Variants in TSHZ2 observed in about 807,000 individuals in gnomAD.
TSHZ2 encodes teashirt zinc finger homeobox 2.
In TSHZ2, 21 loss-of-function variants were observed where a neutral mutation model predicts 74.4. That is an observed-to-expected ratio of 0.28 (90% CI 0.20 to 0.41). The LOEUF is 0.41. Ranked by LOEUF, TSHZ2 falls within the 10% of genes least tolerant of loss-of-function variation. The probability of loss-of-function intolerance (pLI) is 1.00; values close to 1 mark genes in which losing one functional copy is unlikely to be tolerated. For missense variants in TSHZ2, 1,244 were observed against 1,293.5 expected, an observed-to-expected ratio of 0.96 and a Z score of 0.59; for synonymous variants, 540 against 515.3, an observed-to-expected ratio of 1.05 and a Z score of -0.65.
Position 53,489,075 on chromosome 20 carries a change from T to C in TSHZ2, c.*1940T>C, listed in dbSNP as rs1056675937. 11 of 456,082 alleles carry C rather than the reference T, an allele frequency of 2.4e-5. No individual in the cohort carries two copies. The highest frequency in any genetic ancestry group is 1.8e-4 in the African/African-American group (9 of 50,042). 28.3% of individuals were successfully genotyped at this position (456,082 alleles called of 1,614,324 possible). On this transcript the variant is annotated 3_prime_UTR_variant, in exon 3 of 3. Coordinates refer to ENST00000371497, the MANE Select transcript of TSHZ2 (RefSeq NM_173485.6). The stretch of plus-strand genomic sequence containing the variant: ...GAGATGGCAGTCGAAATAGCTTCAT[T>C]GAAGTGTCAGCACTCATCCATCAAT...
chr20:53,385,048 G>A (rs1483597859), intron 2 of TSHZ2, among the ~76,000 whole-genome samples: 3 of 152,176 alleles, frequency 2.0e-5, no homozygotes, highest in East Asian at 3.9e-4. Flanking sequence ...GTGAACCCGG[G>A]AGGCGGAGCT....
chr20:53,126,038 C>A (rs1986939429), intron 1 of TSHZ2, among the ~76,000 whole-genome samples: 1 of 152,150 alleles, frequency 6.6e-6, no homozygotes, highest in Non-Finnish European at 1.5e-5. Context: ...GTTTTAAATG[C>A]ACATTTATGA....
At chr20:53,195,516 T>G (rs1988842631) in intron 1 of TSHZ2, among the ~76,000 whole-genome samples, 1 of 152,198 alleles carries the variant, frequency 6.6e-6, no homozygotes, top group South Asian at 2.1e-4. Flanking sequence ...CTTGAGGGGC[T>G]CAGGACTTGG....
At chr20:53,204,786 G>C (rs2123590244) in intron 1 of TSHZ2, among the ~76,000 whole-genome samples, 1 of 152,146 alleles carries the variant, frequency 6.6e-6, no homozygotes, top group Non-Finnish European at 1.5e-5. Flanking sequence ...GTATTAGAAA[G>C]CTAAGTAACT....
chr20:53,208,046 A>T (rs1989215002), intron 1 of TSHZ2, among the ~76,000 whole-genome samples: 1 of 151,898 alleles, frequency 6.6e-6, no homozygotes, highest in Non-Finnish European at 1.5e-5. Context: ...CTGGAGAATC[A>T]AGTCAAAAAA....
chr20:53,049,752 G>C (rs1984356199), intron 1 of TSHZ2, among the ~76,000 whole-genome samples: 1 of 151,978 alleles, frequency 6.6e-6, no homozygotes, highest in African/African-American at 2.4e-5. Flanking sequence ...ACACAGCACA[G>C]TGCCCTAAGG....
intron 1 of TSHZ2, among the ~76,000 whole-genome samples, chr20:53,015,372 G>T (rs1982997792): frequency 6.6e-6 from 1 of 152,176 alleles, no homozygotes; most frequent in Admixed American, 6.5e-5. Context: ...TGTTATCACA[G>T]TTGGGGAGAA....
intron 1 of TSHZ2, among the ~76,000 whole-genome samples, chr20:53,001,032 G>A (rs188053424): frequency 1.8e-4 from 28 of 152,230 alleles, no homozygotes; most frequent in African/African-American, 6.7e-4. Flanking sequence ...GGAAGAGGGG[G>A]ACAGCCATCT....
chr20:53,297,406 C>T (rs1469241792), intron 2 of TSHZ2, among the ~76,000 whole-genome samples: 1 of 152,040 alleles, frequency 6.6e-6, no homozygotes, highest in Non-Finnish European at 1.5e-5. Context: ...TGCACCACCA[C>T]GCCCAGCTAA....
chr20:53,294,790 G>A (rs1264251541), intron 2 of TSHZ2, among the ~76,000 whole-genome samples: 1 of 152,130 alleles, frequency 6.6e-6, no homozygotes, highest in East Asian at 1.9e-4. Context: ...CTTTTTGTGA[G>A]GAATCTTTCA....
At chr20:53,211,426 G>A (rs1483040628) in intron 1 of TSHZ2, among the ~76,000 whole-genome samples, 2 of 151,950 alleles carry the variant, frequency 1.3e-5, no homozygotes, top group East Asian at 3.8e-4. Context: ...TTTAGAATCA[G>A]AGGGATAAAA....
intron 1 of TSHZ2, among the ~76,000 whole-genome samples, chr20:53,232,272 A>G (rs1406868473): frequency 1.3e-5 from 2 of 152,194 alleles, no homozygotes; most frequent in East Asian, 3.8e-4. Flanking sequence ...GGAATTCTCC[A>G]TCTACAGTCT....
chr20:53,391,847 G>A (rs1982271399), intron 2 of TSHZ2, among the ~76,000 whole-genome samples: 1 of 152,156 alleles, frequency 6.6e-6, no homozygotes, highest in Non-Finnish European at 1.5e-5. Flanking sequence ...GGATATTGAG[G>A]CACGAGAATT....
intron 1 of TSHZ2, among the ~76,000 whole-genome samples, chr20:53,026,857 G>T (rs1316811415): frequency 1.3e-5 from 2 of 151,950 alleles, no homozygotes; most frequent in African/African-American, 4.8e-5. Context: ...TCAATTTCAG[G>T]CTGGGCGTAG....
At chr20:53,042,462 A>G (rs374194345) in intron 1 of TSHZ2, among the ~76,000 whole-genome samples, 7 of 152,342 alleles carry the variant, frequency 4.6e-5, no homozygotes, top group Middle Eastern at 3.4e-3. Flanking sequence ...ATTATTATAT[A>G]TAATCTCAAT....
chr20:53,308,873 T>A (rs1383063256), intron 2 of TSHZ2, among the ~76,000 whole-genome samples: 1 of 152,230 alleles, frequency 6.6e-6, no homozygotes, highest in Non-Finnish European at 1.5e-5. Context: ...GTTAAGCACC[T>A]GGGAGGGCTT....
intron 1 of TSHZ2, among the ~76,000 whole-genome samples, chr20:53,005,621 T>C (rs1360177737): frequency 6.6e-6 from 1 of 152,198 alleles, no homozygotes; most frequent in East Asian, 1.9e-4. Context: ...ACTTGGATCA[T>C]TCTCGATCTG....
intron 1 of TSHZ2, among the ~76,000 whole-genome samples, chr20:53,214,002 A>G (rs1016320272): frequency 1.3e-5 from 2 of 152,236 alleles, no homozygotes; most frequent in African/African-American, 4.8e-5. Flanking sequence ...GGGAGGTCAC[A>G]TACACAGATA....
At chr20:52,990,651 G>T (rs2122916025) in intron 1 of TSHZ2, among the ~76,000 whole-genome samples, 1 of 152,312 alleles carries the variant, frequency 6.6e-6, no homozygotes, top group South Asian at 2.1e-4. Flanking sequence ...CCCGGATTTT[G>T]TGTTACAAGA....
Sources: allele counts gnomAD v4.1 joint callset (sites outside exome capture counted in the v4.1 genomes callset), GRCh38; gene constraint gnomAD v4.1.1; transcripts MANE v1.5; gene names NCBI Gene and HGNC (gene_info 2026-07-23, HGNC 2026-07-21).